The following KLF12 variants were observed in gnomAD, a reference collection of about 807,000 sequenced individuals.
The protein encoded by KLF12 is KLF transcription factor 12, also known as Krueppel-like factor 12.
KLF12 carries 9 observed loss-of-function variants against 37.8 expected under a neutral mutation model. The observed-to-expected ratio is 0.24, with a 90% confidence interval of 0.14 to 0.42. The LOEUF (loss-of-function observed/expected upper bound fraction) is 0.42. Ranked by LOEUF, KLF12 falls within the 10% of genes least tolerant of loss-of-function variation. The pLI is 1.00. For synonymous variants in KLF12, 208 were observed against 202.1 expected, an observed-to-expected ratio of 1.03 and a Z score of -0.25; for missense variants, 411 against 516.0, an observed-to-expected ratio of 0.80 and a Z score of 1.97.
At chr13:74,292,877 G>T in the KLF12 span, among the ~76,000 whole-genome samples, 1 of 152,084 alleles carries the variant, frequency 6.6e-6, no homozygotes, top group Non-Finnish European at 1.5e-5. Flanking sequence ...AGCATGTCAG[G>T]TCCACATGAG....
intron 1 of KLF12, among the ~76,000 whole-genome samples, chr13:74,026,608 ATAGT>A (rs1892981540): frequency 6.6e-6 from 1 of 152,250 alleles, no homozygotes; most frequent in Non-Finnish European, 1.5e-5. Flanking sequence ...AAGGGTTAAA[ATAGT>A]ACATTTCTGT....
the KLF12 span, among the ~76,000 whole-genome samples, chr13:74,210,267 A>G: frequency 1.3e-5 from 2 of 152,194 alleles, no homozygotes; most frequent in Admixed American, 1.3e-4. Flanking sequence ...TAACTAACAG[A>G]TTTTAAAAAA....
the KLF12 span, among the ~76,000 whole-genome samples, chr13:74,168,240 CG>C: frequency 6.6e-6 from 1 of 152,166 alleles, no homozygotes; most frequent in Non-Finnish European, 1.5e-5. Flanking sequence ...ATTCTTTGCC[CG>C]TCTTCTCACA....
the KLF12 span, among the ~76,000 whole-genome samples, chr13:74,260,628 T>TAAAATAAAATAAAATAAAATAAAATG: frequency 1.7e-3 from 244 of 140,066 alleles, 7 homozygotes; most frequent in East Asian, 5.8e-3. Context: ...TAAAATAAAA[T>TAAAATAAAATAAAATAAAATAAAATG]AGTGAATTAA....
chr13:73,725,044 C>T (rs1876557497), intron 6 of KLF12, among the ~76,000 whole-genome samples: 1 of 152,236 alleles, frequency 6.6e-6, no homozygotes, highest in East Asian at 1.9e-4. Flanking sequence ...GGCTTATTTG[C>T]CACTCTAATT....
chr13:74,248,550 T>C, the KLF12 span, among the ~76,000 whole-genome samples: 1 of 152,212 alleles, frequency 6.6e-6, no homozygotes, highest in Non-Finnish European at 1.5e-5. Context: ...GTGTATATAC[T>C]AGATTTCACC....
chr13:73,928,664 C>T lies in KLF12; in HGVS notation c.123+15317G>A, dbSNP rs80278123. Among the ~76,000 whole-genome samples, 556 of 152,286 alleles carry T rather than the reference C, an allele frequency of 3.7e-3. 3 individuals carry two copies. The highest frequency in any genetic ancestry group is 5.0e-3 in the Non-Finnish European group (343 of 68,012). On this transcript the variant is annotated intron_variant, in intron 3 of 7. Transcript: ENST00000377669. ...TGATAAAATAATGAGAATAATTCTTCAAGACCTGCAAAAATCAATGATTTC... is the reference window on the plus strand; with the variant it reads ...TGATAAAATAATGAGAATAATTCTTTAAGACCTGCAAAAATCAATGATTTC...
At chr13:74,118,942 TAAAAG>T (rs943935007) in intron 1 of KLF12, among the ~76,000 whole-genome samples, 1 of 152,024 alleles carries the variant, frequency 6.6e-6, no homozygotes, top group African/African-American at 2.4e-5. Flanking sequence ...AAGAAACAAA[TAAAAG>T]GAAGACAATA....
the KLF12 span, among the ~76,000 whole-genome samples, chr13:74,139,423 C>T: frequency 1.3e-5 from 2 of 152,132 alleles, no homozygotes; most frequent in Non-Finnish European, 1.5e-5. Context: ...GAATGATATA[C>T]GTTAAAACAC....
At chr13:74,189,575 A>C in the KLF12 span, among the ~76,000 whole-genome samples, 8 of 152,186 alleles carry the variant, frequency 5.3e-5, no homozygotes, top group Non-Finnish European at 1.2e-4. Flanking sequence ...GGAATAGGTA[A>C]TATAGTCACA....
At chr13:74,282,972 A>G in the KLF12 span, among the ~76,000 whole-genome samples, 1 of 152,148 alleles carries the variant, frequency 6.6e-6, no homozygotes, top group Non-Finnish European at 1.5e-5. Context: ...GATAGATTTT[A>G]TTGTAGCAAA....
Position 73,703,475 on chromosome 13 carries a change from A to G in KLF12, c.1028-7804T>C, listed in dbSNP as rs74617527. Among the ~76,000 whole-genome samples the G allele has an allele frequency of 2.0e-3, 311 of 152,254 alleles. 2 individuals are homozygous for G. Among genetic ancestry groups the G allele is most frequent in the African/African-American group, 6.8e-3 (284 of 41,556 alleles). Reference sequence around the variant, plus strand: ...CAATTCAATCAAATAAGTAATCAATATGCCAGTCTCCATCCTACTGAATTG... The same window carrying G: ...CAATTCAATCAAATAAGTAATCAATGTGCCAGTCTCCATCCTACTGAATTG... On this transcript the variant is annotated intron_variant, in intron 7 of 7. Transcript: ENST00000377669.
intron 1 of KLF12, among the ~76,000 whole-genome samples, chr13:74,108,398 T>A (rs1230919786): frequency 6.6e-6 from 1 of 152,176 alleles, no homozygotes; most frequent in Non-Finnish European, 1.5e-5. Flanking sequence ...AGAATCTAAA[T>A]GGAACTCTTT....
chr13:74,258,720 C>T, the KLF12 span: 1 of 152,076 alleles, frequency 6.6e-6, no homozygotes, highest in African/African-American at 2.4e-5. Context: ...AAACACTCAA[C>T]GAGGGAATAT....
intron 3 of KLF12, among the ~76,000 whole-genome samples, chr13:73,933,443 T>C (rs1889775167): frequency 1.3e-5 from 2 of 152,326 alleles, no homozygotes; most frequent in South Asian, 2.1e-4. Context: ...TTTTTATAGA[T>C]ATTTAAATTT....
intron 1 of KLF12, among the ~76,000 whole-genome samples, chr13:74,075,395 T>C (rs1193134059): frequency 6.6e-6 from 1 of 152,218 alleles, no homozygotes; most frequent in African/African-American, 2.4e-5. Flanking sequence ...GCAATGGCTC[T>C]CAATCCTGCC....
At chr13:73,766,251 A>C (rs1482049672) in intron 5 of KLF12, among the ~76,000 whole-genome samples, 1 of 152,084 alleles carries the variant, frequency 6.6e-6, no homozygotes. Flanking sequence ...TCATTCAAGC[A>C]CGGCCCACTT....
intron 2 of KLF12, among the ~76,000 whole-genome samples, chr13:73,957,001 G>A (rs1426782563): frequency 7.2e-5 from 10 of 138,596 alleles, no homozygotes; most frequent in Non-Finnish European, 1.5e-5. Context: ...GGAAAGGAGG[G>A]AAAGGAAAGG....
chr13:74,216,157 T>C, the KLF12 span, among the ~76,000 whole-genome samples: 2 of 152,232 alleles, frequency 1.3e-5, no homozygotes, highest in Non-Finnish European at 2.9e-5. Context: ...AAATTCTTTT[T>C]ATCTCTCCCA....
Sources: gnomAD v4.1 joint callset for allele counts (sites outside exome capture counted in the v4.1 genomes callset) on GRCh38, gnomAD v4.1.1 for gene constraint, MANE v1.5 for transcripts, NCBI Gene and HGNC (gene_info 2026-07-23, HGNC 2026-07-21) for gene names.